The following CDH18 variants were observed in gnomAD, a reference collection of about 807,000 sequenced individuals.
CDH18 encodes cadherin 18.
CDH18 carries 31 observed loss-of-function variants against 67.9 expected under a neutral mutation model. The ratio of observed to expected loss-of-function variants is 0.46; its 90% CI spans 0.34 to 0.62. The LOEUF (loss-of-function observed/expected upper bound fraction) is 0.62. Among genes scored for constraint, CDH18 ranks in the 20% least tolerant of loss-of-function variants. CDH18 has a pLI of 0.01. For synonymous variants in CDH18, 362 were observed against 347.2 expected (o/e 1.04, Z -0.48); for missense variants, 890 against 975.5 (o/e 0.91, Z 1.17).
chr5:20,499,895 T>A (rs4635932), intron 1 of CDH18, among the ~76,000 whole-genome samples: 76,212 of 151,964 alleles, frequency 0.5, 19,234 homozygotes, highest in East Asian at 0.56. Flanking sequence ...TTATGTGAAC[T>A]GTGCTTATCC....
chr5:20,360,605 G>A (rs75590361), intron 1 of CDH18, among the ~76,000 whole-genome samples: 3,392 of 152,238 alleles, frequency 0.022, 93 homozygotes, highest in East Asian at 0.06. Flanking sequence ...TTGAATCCAA[G>A]CAATAGCCTA....
At chr5:20,288,075 A>AG (rs1746820294) in intron 1 of CDH18, among the ~76,000 whole-genome samples, 1 of 148,464 alleles carries the variant, frequency 6.7e-6, no homozygotes, top group African/African-American at 2.5e-5. Flanking sequence ...TTCTGGGGTC[A>AG]TTTTTTTTTT....
At chr5:20,544,965 ATACAATGGTGG>A (rs1757260991) in intron 1 of CDH18, among the ~76,000 whole-genome samples, 1 of 152,186 alleles carries the variant, frequency 6.6e-6, no homozygotes, top group Non-Finnish European at 1.5e-5. Flanking sequence ...TACTTCCAAG[ATACAATGGTGG>A]TAAAGGCATT....
chr5:19,556,533 T>C (rs1738455676), intron 8 of CDH18, among the ~76,000 whole-genome samples: 1 of 151,896 alleles, frequency 6.6e-6, no homozygotes, highest in Admixed American at 6.6e-5. Flanking sequence ...ACTTTAGAAC[T>C]TGAAGACAAG....
chr5:19,680,745 A>C (rs924881954), intron 5 of CDH18, among the ~76,000 whole-genome samples: 2 of 151,838 alleles, frequency 1.3e-5, no homozygotes, highest in African/African-American at 4.8e-5. Flanking sequence ...AGAATAAAAA[A>C]ATTACAAAGT....
At chr5:19,590,966 T>G in intron 7 of CDH18, 91 bp downstream of exon 7, 1 of 665,192 alleles carries the variant, frequency 1.5e-6, no homozygotes, top group Non-Finnish European at 2.6e-6. Flanking sequence ...TTTAATGGCC[T>G]GACAGCGTGG....
At chr5:19,832,797 T>C (rs1781203877) in intron 3 of CDH18, among the ~76,000 whole-genome samples, 2 of 152,134 alleles carry the variant, frequency 1.3e-5, no homozygotes, top group South Asian at 2.1e-4. Context: ...ATTTTCCCTA[T>C]TGCTTGTTTT....
At chr5:19,489,209 A>C (rs1308370213) in intron 11 of CDH18, among the ~76,000 whole-genome samples, 1 of 151,170 alleles carries the variant, frequency 6.6e-6, no homozygotes, top group African/African-American at 2.4e-5. Context: ...ATCTCCGAGG[A>C]GATTAGTAAT....
intron 2 of CDH18, among the ~76,000 whole-genome samples, chr5:20,139,181 T>C (rs1229107954): frequency 6.6e-6 from 1 of 152,128 alleles, no homozygotes; most frequent in African/African-American, 2.4e-5. Flanking sequence ...AACCATCTGA[T>C]CTTTGACAAA....
intron 1 of CDH18, among the ~76,000 whole-genome samples, chr5:20,505,949 C>T (rs973981703): frequency 2.0e-5 from 3 of 152,152 alleles, no homozygotes; most frequent in Non-Finnish European, 4.4e-5. Context: ...CACACATGTG[C>T]TATGCCTGGT....
intron 2 of CDH18, among the ~76,000 whole-genome samples, chr5:19,979,459 TA>T (rs1172558342): frequency 6.6e-6 from 1 of 152,088 alleles, no homozygotes; most frequent in East Asian, 1.9e-4. Context: ...CATAAATCAC[TA>T]GGAAATGGCA....
At chr5:19,756,114 A>C (rs527489790) in intron 3 of CDH18, among the ~76,000 whole-genome samples, 1 of 152,282 alleles carries the variant, frequency 6.6e-6, no homozygotes, top group Non-Finnish European at 1.5e-5. Context: ...ATTACACCTA[A>C]CGTAATACAA....
At chr5:20,040,469 A>G (rs1740322043) in intron 2 of CDH18, among the ~76,000 whole-genome samples, 1 of 152,126 alleles carries the variant, frequency 6.6e-6, no homozygotes, top group South Asian at 2.1e-4. Context: ...TGAATCAGAA[A>G]GTAAGCAAGA....
intron 1 of CDH18, among the ~76,000 whole-genome samples, chr5:20,300,496 G>A (rs1257867036): frequency 6.6e-6 from 1 of 152,004 alleles, no homozygotes; most frequent in African/African-American, 2.4e-5. Flanking sequence ...TTTAGGGCAC[G>A]TTGTGGTTAG....
At chr5:20,100,853 C>T (rs1746402485) in intron 2 of CDH18, among the ~76,000 whole-genome samples, 1 of 152,080 alleles carries the variant, frequency 6.6e-6, no homozygotes, top group Non-Finnish European at 1.5e-5. Context: ...TAGTTGATAG[C>T]ATAGATTTTA....
At chr5:20,507,495 T>G (rs1754729690) in intron 1 of CDH18, among the ~76,000 whole-genome samples, 1 of 152,314 alleles carries the variant, frequency 6.6e-6, no homozygotes, top group East Asian at 1.9e-4. Flanking sequence ...GTTATGGATA[T>G]AGATTTTCAT....
intron 2 of CDH18, among the ~76,000 whole-genome samples, chr5:20,169,668 T>C (rs1226494586): frequency 6.6e-6 from 1 of 152,180 alleles, no homozygotes; most frequent in Non-Finnish European, 1.5e-5. Flanking sequence ...ATGCAATTTA[T>C]ACATTCTAAA....
intron 5 of CDH18, among the ~76,000 whole-genome samples, chr5:19,613,599 T>C (rs1043126388): frequency 1.3e-5 from 2 of 152,096 alleles, no homozygotes; most frequent in African/African-American, 2.4e-5. Flanking sequence ...AACCCTTGGA[T>C]TGAATAAAGA....
chr5:19,783,205 G>T (rs1306225056), intron 3 of CDH18, among the ~76,000 whole-genome samples: 1 of 152,068 alleles, frequency 6.6e-6, no homozygotes. Context: ...CACGAGGCAA[G>T]ATACAGCAGT....
Sources: gnomAD v4.1 joint callset for allele counts (sites outside exome capture counted in the v4.1 genomes callset) on GRCh38, gnomAD v4.1.1 for gene constraint, MANE v1.5 for transcripts, NCBI Gene and HGNC (gene_info 2026-07-23, HGNC 2026-07-21) for gene names.